Variants in HPSE2 observed in about 807,000 individuals in gnomAD.
HPSE2 encodes the protein heparanase 2 (inactive), also known as inactive heparanase-2.
A neutral mutation model predicts 60.5 loss-of-function variants in HPSE2; 38 were observed. The ratio of observed to expected loss-of-function variants is 0.63; its 90% confidence interval spans 0.48 to 0.82. HPSE2 has a LOEUF of 0.82. Ranked by LOEUF, HPSE2 falls within the 40% of genes least tolerant of loss-of-function variation. The pLI, the probability that HPSE2 is intolerant of heterozygous loss-of-function variation, is 0.00. For synonymous variants in HPSE2, 295 were observed against 293.2 expected, an observed-to-expected ratio of 1.01 and a Z score of -0.06; for missense variants, 713 against 740.4, an observed-to-expected ratio of 0.96 and a Z score of 0.43.
intron 2 of HPSE2, among the ~76,000 whole-genome samples, chr10:99,155,213 G>C (rs1846486871): frequency 7.0e-6 from 1 of 143,358 alleles, no homozygotes; most frequent in African/African-American, 2.6e-5. Context: ...AAGTCAACAA[G>C]GATACCCAGG....
At position 98,832,085 on chromosome 10, in the gene HPSE2, C is replaced by T. The variant is rs114014198; in HGVS notation, c.611-88029G>A. Among the ~76,000 whole-genome samples the T allele has an allele frequency of 5.9e-3, 891 of 152,282 alleles. 5 individuals carry two copies. The highest frequency in any genetic ancestry group is 0.02 in the African/African-American group (842 of 41,538). On this transcript the variant is annotated intron_variant, in intron 3 of 11. Coordinates refer to ENST00000370552, the MANE Select transcript of HPSE2 (RefSeq NM_021828.5). ...GGCTAGAAATCCAGCTGGCACAATACTTGGAAGACAATCCTCAGTGAGGTC... is the reference window on the plus strand; with the variant it reads ...GGCTAGAAATCCAGCTGGCACAATATTTGGAAGACAATCCTCAGTGAGGTC...
the HPSE2 span, among the ~76,000 whole-genome samples, chr10:99,266,687 A>G: frequency 6.6e-6 from 1 of 152,160 alleles, no homozygotes; most frequent in South Asian, 2.1e-4. Flanking sequence ...CAGGAAGCCA[A>G]TCAACACAAA....
intron 3 of HPSE2, among the ~76,000 whole-genome samples, chr10:98,920,998 A>G (rs530243025): frequency 7.9e-4 from 121 of 152,328 alleles, no homozygotes; most frequent in African/African-American, 2.8e-3. Context: ...CAAGGGAGGC[A>G]GTCTGACATC....
chr10:98,969,205 C>G (rs1049709885), intron 3 of HPSE2, among the ~76,000 whole-genome samples: 17 of 152,118 alleles, frequency 1.1e-4, no homozygotes, highest in African/African-American at 4.1e-4. Flanking sequence ...ACAATCACTT[C>G]TCAAGGCTGA....
intron 5 of HPSE2, among the ~76,000 whole-genome samples, chr10:98,706,213 A>G (rs1948543833): frequency 6.6e-6 from 1 of 152,180 alleles, no homozygotes; most frequent in Non-Finnish European, 1.5e-5. Flanking sequence ...TGCTGCCTCC[A>G]AGCTGTTTTC....
At chr10:99,262,872 A>T in the HPSE2 span, among the ~76,000 whole-genome samples, 1 of 150,864 alleles carries the variant, frequency 6.6e-6, no homozygotes, top group Admixed American at 6.6e-5. Flanking sequence ...TCCTTTCCCC[A>T]CTCCCCTTGC....
At chr10:98,511,586 GTGTGTGTGTGTT>G (rs1433956173) in intron 9 of HPSE2, among the ~76,000 whole-genome samples, 7 of 147,098 alleles carry the variant, frequency 4.8e-5, no homozygotes, top group East Asian at 2.0e-4. Flanking sequence ...GTGTGTGTGT[GTGTGTGTGTGTT>G]TGTGTGTGTG....
intron 3 of HPSE2, among the ~76,000 whole-genome samples, chr10:98,945,322 A>C (rs1955148395): frequency 6.6e-6 from 1 of 152,148 alleles, no homozygotes; most frequent in Non-Finnish European, 1.5e-5. Flanking sequence ...AAAGCACTCT[A>C]TTATTAGGTT....
At chr10:98,540,057 G>A (rs926920471) in intron 9 of HPSE2, among the ~76,000 whole-genome samples, 2 of 152,200 alleles carry the variant, frequency 1.3e-5, no homozygotes, top group Non-Finnish European at 2.9e-5. Context: ...CTCAATTTCT[G>A]CACATAGAAA....
chr10:99,057,050 G>A (rs1958131056), intron 3 of HPSE2, among the ~76,000 whole-genome samples: 2 of 152,150 alleles, frequency 1.3e-5, no homozygotes, highest in South Asian at 4.1e-4. Context: ...TTTGGGAGGT[G>A]AGGATTTGCT....
intron 9 of HPSE2, among the ~76,000 whole-genome samples, chr10:98,580,836 A>ATATATATATATATATATG: frequency 8.4e-6 from 1 of 119,528 alleles, no homozygotes; most frequent in Admixed American, 8.1e-5. Flanking sequence ...ATATATATAT[A>ATATATATATATATATATG]TGTGTGTGTG....
chr10:99,088,866 A>AT (rs961150379), intron 3 of HPSE2, among the ~76,000 whole-genome samples: 26 of 151,136 alleles, frequency 1.7e-4, no homozygotes, highest in South Asian at 8.4e-4. Context: ...ACCAACATCT[A>AT]TTTTTTTTTA....
At chr10:98,474,370 T>A (rs1166315721) in intron 11 of HPSE2, among the ~76,000 whole-genome samples, 2 of 152,216 alleles carry the variant, frequency 1.3e-5, no homozygotes, top group Non-Finnish European at 2.9e-5. Flanking sequence ...CCTCAGGATT[T>A]TTCACATTAG....
chr10:98,575,710 A>ATGTCTTC lies in HPSE2; in HGVS notation c.1320+39187_1320+39193dup, dbSNP rs1438854326. ...TAGCTGGGGGCTAGAACAAAACATC[A>ATGTCTTC]TGTCTTCTGATTCCACTGCAATGTT... is the stretch of plus-strand genomic sequence containing the variant. On this transcript the variant is annotated intron_variant, in intron 9 of 11. Transcript: ENST00000370552. Among the ~76,000 whole-genome samples, 6 of 152,304 alleles carry ATGTCTTC rather than the reference A, an allele frequency of 3.9e-5. No homozygotes were observed. The East Asian group carries it at 1.2e-3, about 29-fold the overall frequency.
intron 2 of HPSE2, among the ~76,000 whole-genome samples, chr10:99,213,159 A>C (rs1849005754): frequency 6.6e-6 from 1 of 152,174 alleles, no homozygotes; most frequent in Non-Finnish European, 1.5e-5. Context: ...TCTTACAGAA[A>C]AAACTGAGTC....
At chr10:98,902,355 A>G (rs1041518065) in intron 3 of HPSE2, among the ~76,000 whole-genome samples, 4 of 152,186 alleles carry the variant, frequency 2.6e-5, no homozygotes, top group African/African-American at 7.2e-5. Context: ...ACTACTTGAC[A>G]TATAAAGTCC....
intron 3 of HPSE2, among the ~76,000 whole-genome samples, chr10:99,135,736 C>G (rs760004673): frequency 9.2e-5 from 14 of 152,004 alleles, no homozygotes; most frequent in Non-Finnish European, 1.8e-4. Context: ...TAAATGCCCA[C>G]AAGAGAAAGC....
chr10:98,954,233 G>T (rs1308183982), intron 3 of HPSE2, among the ~76,000 whole-genome samples: 2 of 152,132 alleles, frequency 1.3e-5, no homozygotes, highest in African/African-American at 4.8e-5. Flanking sequence ...CTTGAACCCG[G>T]GAGGCAGAGG....
intron 3 of HPSE2, among the ~76,000 whole-genome samples, chr10:98,770,281 T>A (rs1039238690): frequency 2.0e-5 from 3 of 152,216 alleles, no homozygotes; most frequent in African/African-American, 7.2e-5. Flanking sequence ...ATTATAATAC[T>A]AATGGAATGG....
Sources: gnomAD v4.1 joint callset for allele counts (sites outside exome capture counted in the v4.1 genomes callset) on GRCh38, gnomAD v4.1.1 for gene constraint, MANE v1.5 for transcripts, NCBI Gene and HGNC (gene_info 2026-07-23, HGNC 2026-07-21) for gene names.